ELP4: variants seen among roughly 807,000 people sequenced by gnomAD.
ELP4 encodes the protein elongator acetyltransferase complex subunit 4.
ELP4 carries 51 observed loss-of-function variants against 48.9 expected under a neutral mutation model. That is an observed-to-expected ratio of 1.04 (90% CI 0.83 to 1.32). The LOEUF (loss-of-function observed/expected upper bound fraction) is 1.32. Ranked by LOEUF, ELP4 falls within the 40% of genes most tolerant of loss-of-function variation. The pLI is 0.00. For missense variants in ELP4, 519 were observed against 514.6 expected, an observed-to-expected ratio of 1.01 and a Z score of -0.08; for synonymous variants, 210 against 189.2, an observed-to-expected ratio of 1.11 and a Z score of -0.90.
chr11:31,648,076 G>T, intron 8 of ELP4: 1 of 329,264 alleles, frequency 3.0e-6, no homozygotes. Flanking sequence ...ACTGAGGCAT[G>T]GCTGAGTCAG....
intron 5 of ELP4, among the ~76,000 whole-genome samples, chr11:31,622,828 A>T (rs967142505): frequency 2.0e-5 from 3 of 151,686 alleles, no homozygotes; most frequent in Non-Finnish European, 4.4e-5. Context: ...AGTATAAAGA[A>T]ATAAATTCTT....
chr11:31,528,019 T>A (rs1245567409), intron 2 of ELP4, among the ~76,000 whole-genome samples: 1 of 152,010 alleles, frequency 6.6e-6, no homozygotes, highest in Non-Finnish European at 1.5e-5. Context: ...TATTTTCCTC[T>A]TGTTTTTGAA....
intron 3 of ELP4, among the ~76,000 whole-genome samples, chr11:31,566,604 T>G (rs1363967300): frequency 6.6e-6 from 1 of 152,212 alleles, no homozygotes; most frequent in East Asian, 1.9e-4. Flanking sequence ...GGTAAAATAC[T>G]TCTTTATATT....
chr11:31,535,373 C>T lies in ELP4; in HGVS notation c.260-4289C>T, dbSNP rs1214859542. Among the ~76,000 whole-genome samples, 5 of 152,110 alleles carry T rather than the reference C, an allele frequency of 3.3e-5. No homozygotes were observed. The South Asian group carries it at 8.3e-4, about 25-fold the overall frequency. On this transcript the variant is annotated intron_variant, in intron 2 of 9. Coordinates refer to ENST00000640961, the MANE Select transcript of ELP4 (RefSeq NM_019040.5). ...TTGAATTATTTTTGAGCCAGGTTCT[C>T]GTTCTGTTCCCCAGGCTGGAGCGCA...
intron 9 of ELP4, among the ~76,000 whole-genome samples, chr11:31,687,370 C>T (rs139937428): frequency 1.8e-3 from 279 of 152,208 alleles, no homozygotes; most frequent in Admixed American, 5.5e-3. Flanking sequence ...GTGGAGTGGT[C>T]TCATGGAAAT....
chr11:31,674,127 G>A (rs983900177), intron 9 of ELP4, among the ~76,000 whole-genome samples: 5 of 152,050 alleles, frequency 3.3e-5, no homozygotes, highest in Non-Finnish European at 7.4e-5. Context: ...TCTATTTACA[G>A]GCATTTGAGA....
chr11:31,739,597 G>T (rs185609671), intron 9 of ELP4, among the ~76,000 whole-genome samples: 2 of 152,216 alleles, frequency 1.3e-5, no homozygotes, highest in Admixed American at 6.5e-5. Context: ...TGGTAATAAT[G>T]ATTAATTTAC....
At chr11:31,594,360 A>G (rs1311088004) in intron 3 of ELP4, among the ~76,000 whole-genome samples, 1 of 152,124 alleles carries the variant, frequency 6.6e-6, no homozygotes, top group Non-Finnish European at 1.5e-5. Context: ...GAATTCTAAA[A>G]TTACAAACCA....
chr11:31,595,816 T>C (rs1267812921), intron 4 of ELP4, among the ~76,000 whole-genome samples: 1 of 152,224 alleles, frequency 6.6e-6, no homozygotes, highest in East Asian at 1.9e-4. Context: ...TTTGATATTA[T>C]AAGCTCGCAA....
chr11:31,662,996 A>G (rs1306926374), intron 9 of ELP4: 1 of 157,176 alleles, frequency 6.4e-6, no homozygotes, highest in Admixed American at 6.5e-5. Flanking sequence ...TCAAATGCTA[A>G]AGCAACCTCT....
Position 31,783,391 on chromosome 11 carries a change from A to G in ELP4, c.1144-2A>G. 1.9e-6 allele frequency: 3 copies of G among 1,609,570 alleles called. No homozygotes were observed. The highest frequency in any genetic ancestry group is 2.5e-6 in the Non-Finnish European group (3 of 1,177,934). ...TTCTTCTCCTGAAATCTTCTGCCAT[A>G]GCGACTGCATTTGCCTCCAGACTTG... On this transcript the variant is annotated splice_acceptor_variant, in intron 9 of 9. Coordinates refer to ENST00000640961, the MANE Select transcript of ELP4 (RefSeq NM_019040.5). LOFTEE classifies it high-confidence loss of function.
chr11:31,678,271 A>T (rs1945973286), intron 9 of ELP4, among the ~76,000 whole-genome samples: 1 of 151,982 alleles, frequency 6.6e-6, no homozygotes, highest in Non-Finnish European at 1.5e-5. Context: ...ACAAAATGAG[A>T]CCCCTGTCTC....
chr11:31,628,078 G>A (rs919306170), intron 6 of ELP4, among the ~76,000 whole-genome samples: 2 of 152,020 alleles, frequency 1.3e-5, no homozygotes, highest in African/African-American at 2.4e-5. Flanking sequence ...ACTTATGTGT[G>A]TATGATAAAG....
chr11:31,632,612 G>C, intron 7 of ELP4: 1 of 414,774 alleles, frequency 2.4e-6, no homozygotes, highest in South Asian at 7.9e-5. Context: ...TGATATTTTA[G>C]CTACAACTTG....
chr11:31,555,022 A>G (rs1565050951), intron 3 of ELP4, among the ~76,000 whole-genome samples: 1 of 152,212 alleles, frequency 6.6e-6, no homozygotes. Context: ...AAATAAAGCC[A>G]CTTACACAGA....
intron 9 of ELP4, among the ~76,000 whole-genome samples, chr11:31,736,606 C>T (rs972856791): frequency 6.6e-6 from 1 of 152,132 alleles, no homozygotes; most frequent in Non-Finnish European, 1.5e-5. Flanking sequence ...ACAGAGTCTA[C>T]AATGAACTCA....
At chr11:31,677,359 G>A (rs1372387979) in intron 9 of ELP4, among the ~76,000 whole-genome samples, 1 of 152,182 alleles carries the variant, frequency 6.6e-6, no homozygotes, top group African/African-American at 2.4e-5. Context: ...AATGGGAAAG[G>A]AGAACTTGCA....
At chr11:31,521,490 ATG>A (rs1956213578) in intron 2 of ELP4, among the ~76,000 whole-genome samples, 1 of 144,358 alleles carries the variant, frequency 6.9e-6, no homozygotes, top group African/African-American at 2.9e-5. Flanking sequence ...GTTTTCTCAC[ATG>A]TTTTGTTTAA....
At chr11:31,656,767 G>A (rs914491125) in intron 9 of ELP4, among the ~76,000 whole-genome samples, 1 of 151,892 alleles carries the variant, frequency 6.6e-6, no homozygotes, top group African/African-American at 2.4e-5. Context: ...TATGCAAAGG[G>A]GAAAAGGTCT....
Sources: gnomAD v4.1 joint callset for allele counts (sites outside exome capture counted in the v4.1 genomes callset) on GRCh38, gnomAD v4.1.1 for gene constraint, MANE v1.5 for transcripts, NCBI Gene and HGNC (gene_info 2026-07-23, HGNC 2026-07-21) for gene names.